The following CAPN15 variants were observed in gnomAD, a reference collection of about 807,000 sequenced individuals.
CAPN15 encodes the protein calpain 15, also known as calpain-15.
In CAPN15, 53 loss-of-function variants were observed where a neutral mutation model predicts 97.9. The ratio of observed to expected loss-of-function variants is 0.54; its 90% CI spans 0.43 to 0.68. CAPN15 has a LOEUF of 0.68. CAPN15 is among the 30% of genes least tolerant of loss of function. The pLI, the probability that CAPN15 is intolerant of heterozygous loss-of-function variation, is 0.00. For missense variants in CAPN15, 1,592 were observed against 1,589.8 expected, an observed-to-expected ratio of 1.00 and a Z score of -0.02; for synonymous variants, 922 against 722.5, an observed-to-expected ratio of 1.28 and a Z score of -4.43.
At chr16:534,085 A>C (rs2141957664) in intron 2 of CAPN15, 87 bp downstream of exon 2, 1 of 554,934 alleles carries the variant, frequency 1.8e-6, no homozygotes, top group Non-Finnish European at 2.0e-6. Context: ...TGGAGTGCCC[A>C]CGGCTGGGGG....
At chr16:537,370 G>C (rs911024784) in intron 3 of CAPN15, 1 of 985,504 alleles carries the variant, frequency 1.0e-6, no homozygotes, top group African/African-American at 1.7e-5. Flanking sequence ...GCATCAGTGA[G>C]GAGCAGGCGG....
intron 9 of CAPN15, 103 bp from the exon 10 acceptor site, chr16:551,948 G>T: frequency 7.9e-7 from 1 of 1,272,512 alleles, no homozygotes; most frequent in Non-Finnish European, 1.1e-6. Flanking sequence ...TGACGGAGCA[G>T]CTGGCACCTG....
intron 1 of CAPN15, among the ~76,000 whole-genome samples, chr16:532,326 G>A (rs2033325785): frequency 6.6e-6 from 1 of 150,830 alleles, no homozygotes; most frequent in African/African-American, 2.4e-5. Context: ...GGCCAAGGTG[G>A]GTGAATCACA....
At chr16:544,659 G>T (rs1040918467) in intron 3 of CAPN15, among the ~76,000 whole-genome samples, 9 of 150,408 alleles carry the variant, frequency 6.0e-5, no homozygotes, top group Non-Finnish European at 1.3e-4. Flanking sequence ...CTTCCATCCA[G>T]CTTGGCCTCT....
chr16:539,235 G>C (rs1207426973), intron 3 of CAPN15: 3 of 152,276 alleles, frequency 2.0e-5, no homozygotes, highest in Admixed American at 6.5e-5. Flanking sequence ...TCAGAAGCTG[G>C]AAGAAGGGCT....
Position 547,867 on chromosome 16 carries a change from C to T in CAPN15, c.1029C>T (p.Thr343=), listed in dbSNP as rs748721812. 4 of 1,611,580 alleles carry T rather than the reference C, an allele frequency of 2.5e-6. No individual in the cohort carries two copies. The highest frequency in any genetic ancestry group is 1.7e-6 in the Non-Finnish European group (2 of 1,179,442). ...PASPSSPDFT[T]WSCAKCTLRN... is the part of the protein sequence containing the mutation. Reference sequence around the variant, plus strand: ...GCCCCTCCAGCCCCGACTTCACCACCTGGTCATGTGCCAAGTGCACGCTCA... The same window carrying T: ...GCCCCTCCAGCCCCGACTTCACCACTTGGTCATGTGCCAAGTGCACGCTCA... The change falls in exon 4 of 14, where the codon ACC becomes ACT. Residue 343 remains threonine, a synonymous_variant. Transcript: ENST00000219611.
chr16:531,761 C>T (rs56045048), intron 1 of CAPN15, among the ~76,000 whole-genome samples: 1,550 of 151,660 alleles, frequency 0.01, 40 homozygotes, highest in African/African-American at 0.035. Context: ...CACACGGCTC[C>T]CAAGGCCCCC....
rs1242848791 is a variant in CAPN15 at position 535,110 on chromosome 16, G to A, written c.-136-919G>A. On this transcript the variant is annotated intron_variant, in intron 2 of 13. Transcript: ENST00000219611. This position sits in a 1 kb window ranked among gnomAD's most constrained non-coding sequence, Gnocchi z 6.2. The stretch of plus-strand genomic sequence containing the variant: ...TCCCATGTGGGCTCCCAGCTCCCCA[G>A]GTAGGGACGCTGACCCCGGGAGGTG... Among the ~76,000 whole-genome samples the A allele has an allele frequency of 5.9e-5, 9 of 152,176 alleles. No individual in the cohort carries two copies. The highest frequency in any genetic ancestry group is 1.2e-4 in the Non-Finnish European group (8 of 68,020).
chr16:549,407 G>A lies in CAPN15; in HGVS notation c.1778G>A (p.Trp593Ter). 6.3e-7 allele frequency: 1 copy of A among 1,599,658 alleles called. No homozygotes were observed. The highest frequency in any genetic ancestry group is 8.5e-7 in the Non-Finnish European group (1 of 1,178,760). Residue 593 changes from tryptophan to a stop codon, truncating the protein, a stop_gained, in exon 6 of 14, where the codon TGG becomes TAG. Coordinates refer to ENST00000219611, the MANE Select transcript of CAPN15 (RefSeq NM_005632.3). LOFTEE classifies it high-confidence loss of function. ...GTGCGGCTGTGCAAGGACGGCACGT[G>A]GACCACGGTGCTGGTGGACGACATG... ...YQVRLCKDGTWTTVLVDDMLP... is the reference protein window; with the variant it reads ...YQVRLCKDGT
chr16:551,609 A>T lies in CAPN15; in HGVS notation c.2290A>T (p.Met764Leu). The change falls in exon 9 of 14, where the codon ATG becomes TTG. Residue 764 changes from methionine (M) to leucine (L), a missense_variant. Met to Leu is a conservative substitution (Grantham distance 15, BLOSUM62 2). Coordinates refer to ENST00000219611, the MANE Select transcript of CAPN15 (RefSeq NM_005632.3). ...GCCGGGGCACCTGCGTGGCGAGCTC[A>T]TGCCGCACGGCAGCAGTGAGGGTGT... ...HWPGHLRGEL[M>L]PHGSSEGVFW... 6.2e-7 allele frequency: 1 copy of T among 1,607,416 alleles called. No homozygotes were observed. The highest frequency in any genetic ancestry group is 8.5e-7 in the Non-Finnish European group (1 of 1,178,624).
chr16:552,726 C>G lies in CAPN15; in HGVS notation c.2859C>G (p.Ala953=), dbSNP rs1156692231. Residue 953 remains alanine (A), a synonymous_variant, in exon 12 of 14, where the codon GCC becomes GCG. Transcript: ENST00000219611. The surrounding 1 kb of genome is among the most constrained non-coding windows in gnomAD (Gnocchi z 6.4). ...EPVEAQPTTL[A]DAIILLTESR... ...TGGAAGCCCAGCCGACCACGCTGGC[C>G]GACGCCATCATCCTGCTCACCGAGA... 3.2e-6 allele frequency: 5 copies of G among 1,544,202 alleles called. No individual in the cohort carries two copies. Among genetic ancestry groups the G allele is most frequent in the Non-Finnish European group, 4.4e-6 (5 of 1,145,762 alleles).
chr16:546,985 C>G lies in CAPN15; in HGVS notation c.147C>G (p.Pro49=). Residue 49 remains proline (P), a synonymous_variant, in exon 4 of 14, where the codon CCC becomes CCG. Transcript: ENST00000219611. ...LRLSVEEQKW[P]CARCTFRNFL... ...TCAGCGTGGAGGAGCAGAAATGGCC[C>G]TGCGCCCGCTGCACCTTCCGCAACT... The G allele has an allele frequency of 6.2e-7, 1 of 1,610,176 alleles. No individual in the cohort carries two copies. Among genetic ancestry groups the G allele is most frequent in the East Asian group, 2.2e-5 (1 of 44,870 alleles).
intron 1 of CAPN15, among the ~76,000 whole-genome samples, chr16:529,726 C>T (rs1478801606): frequency 6.6e-6 from 1 of 152,172 alleles, no homozygotes; most frequent in African/African-American, 2.4e-5. Flanking sequence ...AGGAGGACGA[C>T]ATCATTAAAC....
intron 4 of CAPN15, 133 bp from the exon 5 acceptor site, chr16:548,860 G>A: frequency 1.2e-6 from 1 of 825,752 alleles, no homozygotes; most frequent in Non-Finnish European, 2.0e-6. Flanking sequence ...CAGGTCTGTG[G>A]CTGTCCACGC....
At chr16:540,776 T>G (rs1475262501) in intron 3 of CAPN15, among the ~76,000 whole-genome samples, 3 of 152,170 alleles carry the variant, frequency 2.0e-5, no homozygotes, top group Non-Finnish European at 4.4e-5. Flanking sequence ...ACAGGCCACA[T>G]GGCTTGGTGG....
intron 1 of CAPN15, among the ~76,000 whole-genome samples, chr16:530,050 TC>T (rs2033139293): frequency 1.3e-5 from 2 of 152,212 alleles, no homozygotes; most frequent in African/African-American, 4.8e-5. Context: ...CCCTTCCGCA[TC>T]CCTCGTACCC....
chr16:529,563 C>G lies in CAPN15; in HGVS notation c.-190+1534C>G, dbSNP rs543556759. 4.4e-4 allele frequency among the ~76,000 whole-genome samples: 67 copies of G among 152,324 alleles called. No homozygotes were observed. The South Asian group carries it at 7.1e-3, about 16-fold the overall frequency. ...AATTGGAGGGAAGGATTCTGCTGCC[C>G]GGAAAATCCTCCGGAACCACAGGTG... On this transcript the variant is annotated intron_variant, in intron 1 of 13. Transcript: ENST00000219611.
rs1385406447 is a variant in CAPN15 at position 540,483 on chromosome 16, TC to T, written c.-23+4343del. ...TGCAGAGAAGTGGGTCCCTGCTCCTTCCAGTTGTGGCAGCTCTCTTCCCCAG... is the reference window on the plus strand; with the variant it reads ...TGCAGAGAAGTGGGTCCCTGCTCCTTCAGTTGTGGCAGCTCTCTTCCCCAG... On this transcript the variant is annotated intron_variant, in intron 3 of 13. Transcript: ENST00000219611. 1.0e-5 allele frequency: 4 copies of T among 401,966 alleles called. No individual in the cohort carries two copies. The Admixed American group carries it at 2.6e-4, about 26-fold the overall frequency. The allele number at this position is 401,966 out of a possible 1,614,324, so 24.9% of individuals were successfully genotyped here.
In CAPN15 at chr16:547,751, G is replaced by A; in HGVS notation, c.913G>A (p.Gly305Ser). ...LSVLEEEATE[G>S]GTSRVEAGSS... Reference sequence around the variant, plus strand: ...TGTGCTGGAGGAAGAGGCCACGGAGGGTGGCACCAGCCGCGTAGAGGCCGG... The same window carrying A: ...TGTGCTGGAGGAAGAGGCCACGGAGAGTGGCACCAGCCGCGTAGAGGCCGG... Residue 305 changes from glycine (G) to serine (S), a missense_variant, in exon 4 of 14, where the codon GGT (glycine) becomes AGT (serine). Gly to Ser is a moderately conservative substitution (Grantham distance 56, BLOSUM62 0). Coordinates refer to ENST00000219611, the MANE Select transcript of CAPN15 (RefSeq NM_005632.3). The A allele has an allele frequency of 6.2e-7, 1 of 1,608,144 alleles. No homozygotes were observed. Among genetic ancestry groups the A allele is most frequent in the Non-Finnish European group, 8.5e-7 (1 of 1,177,018 alleles).
Sources: allele counts gnomAD v4.1 joint callset (sites outside exome capture counted in the v4.1 genomes callset), GRCh38; gene constraint gnomAD v4.1.1; non-coding constraint Gnocchi (gnomAD v3.1); transcripts MANE v1.5; gene names NCBI Gene and HGNC (gene_info 2026-07-23, HGNC 2026-07-21).